TBC1D32: variants seen among roughly 807,000 people sequenced by gnomAD.
TBC1D32 encodes the protein protein broad-minded.
TBC1D32 carries 151 observed loss-of-function variants against 170.3 expected under a neutral mutation model. The ratio of observed to expected loss-of-function variants is 0.89; its 90% CI spans 0.78 to 1.01. The LOEUF (loss-of-function observed/expected upper bound fraction) is 1.01, where lower values mean the gene tolerates loss of function less well. Ranked by LOEUF, TBC1D32 falls within the 50% of genes least tolerant of loss-of-function variation. The pLI is 0.00. For missense variants in TBC1D32, 1,464 were observed against 1,457.1 expected (o/e 1.00, Z -0.08); for synonymous variants, 498 against 488.0 (o/e 1.02, Z -0.27).
At chr6:121,328,346 C>A (rs1810728968) in intron 1 of TBC1D32, among the ~76,000 whole-genome samples, 1 of 151,878 alleles carries the variant, frequency 6.6e-6, no homozygotes, top group Admixed American at 6.6e-5. Context: ...AGTGCAGTGA[C>A]GCGATCTCGG....
chr6:121,244,180 T>C (rs1310289090), intron 17 of TBC1D32, among the ~76,000 whole-genome samples: 2 of 151,862 alleles, frequency 1.3e-5, no homozygotes, highest in Non-Finnish European at 2.9e-5. Context: ...CAAATATTTT[T>C]TAAAAATTTA....
At chr6:121,273,198 C>G (rs563046429) in intron 15 of TBC1D32, among the ~76,000 whole-genome samples, 1 of 151,292 alleles carries the variant, frequency 6.6e-6, no homozygotes, top group Admixed American at 6.6e-5. Flanking sequence ...ACATAGCACA[C>G]GTATACATAT....
intron 22 of TBC1D32, among the ~76,000 whole-genome samples, chr6:121,191,687 T>C (rs1316825213): frequency 6.6e-6 from 1 of 152,144 alleles, no homozygotes; most frequent in African/African-American, 2.4e-5. Context: ...TTCGGGCATG[T>C]GGTGATTAAT....
At chr6:121,276,860 CA>C (rs1395050233) in intron 15 of TBC1D32, among the ~76,000 whole-genome samples, 1 of 152,128 alleles carries the variant, frequency 6.6e-6, no homozygotes, top group Non-Finnish European at 1.5e-5. Flanking sequence ...GAAGACATAA[CA>C]ATCCTTAATG....
At chr6:121,282,665 T>C (rs1047336397) in intron 13 of TBC1D32, among the ~76,000 whole-genome samples, 1 of 151,806 alleles carries the variant, frequency 6.6e-6, no homozygotes, top group Admixed American at 6.6e-5. Context: ...CATCCAATCA[T>C]CTTCTATTTA....
In TBC1D32 at chr6:121,130,355, G is replaced by A. The variant is rs145071134; in HGVS notation, c.2899+1272C>T. 1.6e-3 allele frequency among the ~76,000 whole-genome samples: 236 copies of A among 152,060 alleles called. 1 individual carries two copies. Among genetic ancestry groups the A allele is most frequent in the African/African-American group, 5.4e-3 (225 of 41,482 alleles). ...AAATTAACTAGGTGTCGTGACATGC[G>A]CCTGTAATCCCAGCTACTCAGGAGG... On this transcript the variant is annotated intron_variant, in intron 25 of 31. Coordinates refer to ENST00000398212, the MANE Select transcript of TBC1D32 (RefSeq NM_152730.6).
chr6:121,179,301 T>G (rs143691206), intron 22 of TBC1D32, among the ~76,000 whole-genome samples: 212 of 150,710 alleles, frequency 1.4e-3, no homozygotes, highest in African/African-American at 5.0e-3. Flanking sequence ...ATAGTTTGTG[T>G]GTGTGTGTGT....
chr6:121,255,330 GT>G lies in TBC1D32; in HGVS notation c.2015del (p.Asn672ThrfsTer10). ...TGACTTTCATCAATTGTACTTACAT[GT>G]TTTGGGATTCCTGGCTTACTGAAGA... ...SVSSVSQESQ[N>X]IMAWEDNLLD... is the part of the protein sequence containing the mutation. On this transcript the variant is annotated frameshift_variant, in exon 17 of 32. Transcript: ENST00000398212. LOFTEE classifies it high-confidence loss of function. 6.4e-7 allele frequency: 1 copy of G among 1,552,984 alleles called. No homozygotes were observed. The highest frequency in any genetic ancestry group is 8.7e-7 in the Non-Finnish European group (1 of 1,142,866).
At chr6:121,256,309 A>AT (rs775795724) in intron 15 of TBC1D32, 24 bp from the exon 16 acceptor site, 1 of 1,575,652 alleles carries the variant, frequency 6.3e-7, no homozygotes, top group Non-Finnish European at 8.6e-7. Flanking sequence ...CCTGAAAGTG[A>AT]TTCCAAGGTT....
chr6:121,245,277 A>AC lies in TBC1D32; in HGVS notation c.2019-2939dup, dbSNP rs1484715020. 3.9e-5 allele frequency among the ~76,000 whole-genome samples: 6 copies of AC among 152,278 alleles called. No homozygotes were observed. The East Asian group carries it at 9.6e-4, about 24-fold the overall frequency. ...GGGAGACTTGAAGACAGGTCACATC[A>AC]CTGAATCCTTTGCAGATATTCACAG... On this transcript the variant is annotated intron_variant, in intron 17 of 31. Transcript: ENST00000398212.
intron 11 of TBC1D32, among the ~76,000 whole-genome samples, chr6:121,292,971 C>T (rs1267163028): frequency 6.6e-6 from 1 of 152,032 alleles, no homozygotes; most frequent in East Asian, 1.9e-4. Context: ...GAGAGAGCAG[C>T]TGAAGCTAGA....
At chr6:121,194,140 G>T (rs1036612959) in intron 22 of TBC1D32, among the ~76,000 whole-genome samples, 1 of 152,140 alleles carries the variant, frequency 6.6e-6, no homozygotes, top group South Asian at 2.1e-4. Flanking sequence ...GGCTTATGGA[G>T]GTCAGGTAAT....
chr6:121,196,815 C>G (rs1790799558), intron 22 of TBC1D32, among the ~76,000 whole-genome samples: 1 of 152,152 alleles, frequency 6.6e-6, no homozygotes, highest in Non-Finnish European at 1.5e-5. Context: ...TCTGAATCAG[C>G]ATCCAATATA....
In TBC1D32 at chr6:121,136,188, G is replaced by C. The variant is rs113387219; in HGVS notation, c.2774-4436C>G. Among the ~76,000 whole-genome samples, 459 of 152,218 alleles carry C rather than the reference G, an allele frequency of 3.0e-3. 4 individuals carry two copies. Among genetic ancestry groups the C allele is most frequent in the African/African-American group, 0.011 (443 of 41,528 alleles). On this transcript the variant is annotated intron_variant, in intron 24 of 31. Coordinates refer to ENST00000398212, the MANE Select transcript of TBC1D32 (RefSeq NM_152730.6). ...TTAAAGAAAACACAAACCAAAAGTA[G>C]ATGTTTAAACAAACTGTGGTTTTTC...
At chr6:121,115,306 T>A in intron 26 of TBC1D32, 65 bp from the exon 27 acceptor site, 1 of 1,129,810 alleles carries the variant, frequency 8.9e-7, no homozygotes, top group East Asian at 2.7e-5. Context: ...ACATTTTAAT[T>A]GAAAATTGAT....
chr6:121,094,194 G>A (rs1777137576), intron 30 of TBC1D32, among the ~76,000 whole-genome samples: 2 of 150,930 alleles, frequency 1.3e-5, no homozygotes, highest in African/African-American at 4.9e-5. Context: ...TTTTGAGACA[G>A]TCTCACTCCA....
chr6:121,153,717 G>A (rs1386187244), intron 24 of TBC1D32, among the ~76,000 whole-genome samples: 1 of 152,174 alleles, frequency 6.6e-6, no homozygotes, highest in Non-Finnish European at 1.5e-5. Flanking sequence ...TAGAGAGGCA[G>A]TGTGGCTACA....
intron 3 of TBC1D32, among the ~76,000 whole-genome samples, chr6:121,317,121 T>C (rs1809043578): frequency 6.6e-6 from 1 of 152,094 alleles, no homozygotes; most frequent in South Asian, 2.1e-4. Flanking sequence ...CTCCAGAGAA[T>C]GTATAAGGGA....
chr6:121,286,886 C>T (rs1242672610), intron 12 of TBC1D32, among the ~76,000 whole-genome samples: 1 of 152,190 alleles, frequency 6.6e-6, no homozygotes, highest in Non-Finnish European at 1.5e-5. Flanking sequence ...CCCAGAATTT[C>T]ATATCCAGCC....
Sources: allele counts gnomAD v4.1 joint callset (sites outside exome capture counted in the v4.1 genomes callset), GRCh38; gene constraint gnomAD v4.1.1; transcripts MANE v1.5; gene names NCBI Gene and HGNC (gene_info 2026-07-23, HGNC 2026-07-21).